DDR2: variants seen among roughly 807,000 people sequenced by gnomAD.
DDR2 encodes discoidin domain receptor tyrosine kinase 2, also known as discoidin domain-containing receptor 2.
Under a neutral mutation model 94.9 loss-of-function variants are expected in DDR2, and 27 were observed. The ratio of observed to expected loss-of-function variants is 0.28; its 90% confidence interval spans 0.21 to 0.39. The LOEUF (loss-of-function observed/expected upper bound fraction) is 0.39. Among genes scored for constraint, DDR2 ranks in the 10% least tolerant of loss-of-function variants. DDR2 has a pLI of 1.00. For synonymous variants in DDR2, 382 were observed against 377.2 expected, an observed-to-expected ratio of 1.01 and a Z score of -0.15; for missense variants, 783 against 1,076.0, an observed-to-expected ratio of 0.73 and a Z score of 3.81.
At chr1:162,710,413 T>C (rs1446916575) in intron 2 of DDR2, among the ~76,000 whole-genome samples, 3 of 152,042 alleles carry the variant, frequency 2.0e-5, no homozygotes, top group South Asian at 2.1e-4. Flanking sequence ...CAGAGGAAAG[T>C]TGAGAGTTAG....
intron 3 of DDR2, among the ~76,000 whole-genome samples, chr1:162,734,856 T>C (rs566671318): frequency 1.2e-4 from 18 of 152,266 alleles, no homozygotes; most frequent in African/African-American, 4.3e-4. Flanking sequence ...TGAAAACCTG[T>C]TAGAAGGTTC....
At chr1:162,727,506 TTAAAAA>T (rs1168404437) in intron 3 of DDR2, among the ~76,000 whole-genome samples, 3 of 143,892 alleles carry the variant, frequency 2.1e-5, no homozygotes, top group Non-Finnish European at 4.5e-5. Flanking sequence ...ATATATAGAG[TTAAAAA>T]TAAATAAATA....
intron 3 of DDR2, among the ~76,000 whole-genome samples, chr1:162,720,549 T>C (rs899074922): frequency 6.7e-6 from 1 of 148,770 alleles, no homozygotes; most frequent in Non-Finnish European, 1.5e-5. Context: ...TTAGCCAATC[T>C]ACTGTAGATG....
chr1:162,775,634 T>C lies in DDR2; in HGVS notation c.1857-18T>C. 6.2e-7 allele frequency: 1 copy of C among 1,613,698 alleles called. No individual in the cohort carries two copies. The highest frequency in any genetic ancestry group is 8.5e-7 in the Non-Finnish European group (1 of 1,179,846). ...CTCTGGCAACTTCTGAGTTTATCTA[T>C]GTCTGTATCCTCCCAAGGAATGATT... On this transcript the variant is annotated intron_variant, in intron 14 of 17. Transcript: ENST00000367921.
At chr1:162,649,582 A>G (rs966275031) in intron 1 of DDR2, among the ~76,000 whole-genome samples, 5 of 152,182 alleles carry the variant, frequency 3.3e-5, no homozygotes, top group Admixed American at 3.3e-4. Context: ...ATAATCTGCA[A>G]TTTCTCTACT....
intron 2 of DDR2, among the ~76,000 whole-genome samples, chr1:162,688,687 G>C (rs1211691974): frequency 1.3e-5 from 2 of 152,218 alleles, no homozygotes; most frequent in Non-Finnish European, 2.9e-5. Context: ...GACGCACGGA[G>C]GAGGGATGTC....
At chr1:162,668,638 C>T (rs1205662288) in intron 2 of DDR2, among the ~76,000 whole-genome samples, 13 of 152,160 alleles carry the variant, frequency 8.5e-5, no homozygotes, top group Admixed American at 8.5e-4. Context: ...TTGTGTCCGT[C>T]TCTCTGTCTT....
At chr1:162,778,443 C>T (rs893931058) in intron 16 of DDR2, 137 bp from the exon 17 acceptor site, 4 of 1,039,042 alleles carry the variant, frequency 3.8e-6, no homozygotes, top group South Asian at 3.8e-5. Flanking sequence ...TTTCTAAATA[C>T]TCCATGCACA....
chr1:162,734,667 A>T (rs982927518), intron 3 of DDR2, among the ~76,000 whole-genome samples: 5 of 152,152 alleles, frequency 3.3e-5, no homozygotes, highest in Non-Finnish European at 7.4e-5. Context: ...CATCCCAGGT[A>T]AAGGGAGCAT....
At chr1:162,714,176 A>G (rs1571231972) in intron 2 of DDR2, among the ~76,000 whole-genome samples, 1 of 152,330 alleles carries the variant, frequency 6.6e-6, no homozygotes, top group Non-Finnish European at 1.5e-5. Flanking sequence ...GATTATTAAT[A>G]CTAGAAGTTA....
intron 1 of DDR2, among the ~76,000 whole-genome samples, chr1:162,647,142 A>G (rs1657452080): frequency 6.6e-6 from 1 of 152,222 alleles, no homozygotes; most frequent in Non-Finnish European, 1.5e-5. Flanking sequence ...CTGGAGGCCA[A>G]GCATGGCAAA....
At chr1:162,651,725 G>GT (rs1267902179) in intron 1 of DDR2, among the ~76,000 whole-genome samples, 1 of 152,142 alleles carries the variant, frequency 6.6e-6, no homozygotes, top group Non-Finnish European at 1.5e-5. Context: ...TTGAAATAAT[G>GT]TAATAATCTT....
chr1:162,665,666 C>T (rs528372040), intron 2 of DDR2, among the ~76,000 whole-genome samples: 2 of 151,792 alleles, frequency 1.3e-5, no homozygotes, highest in Non-Finnish European at 2.9e-5. Flanking sequence ...AAGTCAACTC[C>T]ATGGGGAGGA....
intron 2 of DDR2, among the ~76,000 whole-genome samples, chr1:162,687,876 G>A (rs1186551986): frequency 6.6e-5 from 10 of 152,128 alleles, no homozygotes; most frequent in Admixed American, 4.6e-4. Context: ...GAGGTGGATC[G>A]TTCTTTTGGG....
Position 162,656,852 on chromosome 1 carries a change from TTTTTTTG to T in DDR2, c.-28+1481_-28+1487del, listed in dbSNP as rs1196904050. Among the ~76,000 whole-genome samples the T allele has an allele frequency of 4.8e-4, 62 of 130,324 alleles. 13 individuals carry two copies. The highest frequency in any genetic ancestry group is 4.1e-3 in the East Asian group (18 of 4,404). The allele number at this position is 130,324 out of a possible 152,430, so 85.5% of individuals were successfully genotyped here. On this transcript the variant is annotated intron_variant, in intron 2 of 17. Transcript: ENST00000367921. ...ACTGGAGTTTTTTTTTTTTTTTTAT[TTTTTTTG>T]TTAACAGGGTTTTGCTCTGTCACCC... is the stretch of plus-strand genomic sequence containing the variant.
chr1:162,761,757 CACACCTAA>C (rs1663759259), intron 9 of DDR2, among the ~76,000 whole-genome samples: 1 of 152,144 alleles, frequency 6.6e-6, no homozygotes, highest in Non-Finnish European at 1.5e-5. Context: ...TAAGGAAAAG[CACACCTAA>C]GCATTACTGA....
Position 162,780,146 on chromosome 1 carries a change from C to T in DDR2, c.2468C>T (p.Ser823Phe). 1 of 1,613,996 alleles carries T rather than the reference C, an allele frequency of 6.2e-7. No individual in the cohort carries two copies. The highest frequency in any genetic ancestry group is 8.5e-7 in the Non-Finnish European group (1 of 1,179,922). ...YLPQPAICPD[S>F]VYKLMLSCWR... ...CCTCAACCAGCCATTTGTCCTGACT[C>T]TGTGTATAAGCTGATGCTCAGCTGC... Residue 823 changes from serine to phenylalanine, a missense_variant, in exon 18 of 18, where the codon TCT (serine) becomes TTT (phenylalanine). Transcript: ENST00000367921.
Position 162,723,369 on chromosome 1 carries a change from G to A in DDR2, c.82+4224G>A, listed in dbSNP as rs75044341. Among the ~76,000 whole-genome samples, 409 of 152,282 alleles carry A rather than the reference G, an allele frequency of 2.7e-3. 1 individual carries two copies. The highest frequency in any genetic ancestry group is 9.4e-3 in the African/African-American group (389 of 41,570). On this transcript the variant is annotated intron_variant, in intron 3 of 17. Transcript: ENST00000367921. The stretch of plus-strand genomic sequence containing the variant: ...GGGCTGGGACTGCCAAACTTGATAG[G>A]AGAACTAAGGGCATCTCCATGGGAA...
chr1:162,735,085 G>A (rs2102068730), intron 3 of DDR2, among the ~76,000 whole-genome samples: 4 of 152,248 alleles, frequency 2.6e-5, no homozygotes, highest in Admixed American at 2.6e-4. Context: ...GTTCTCAAAG[G>A]CCAAGCTTAC....
Sources: allele counts gnomAD v4.1 joint callset (sites outside exome capture counted in the v4.1 genomes callset), GRCh38; gene constraint gnomAD v4.1.1; transcripts MANE v1.5; gene names NCBI Gene and HGNC (gene_info 2026-07-23, HGNC 2026-07-21).